PACRG: variants seen among roughly 807,000 people sequenced by gnomAD.
The protein encoded by PACRG is parkin coregulated gene protein.
PACRG carries 29 observed loss-of-function variants against 29.7 expected under a neutral mutation model. The observed-to-expected ratio is 0.98, with a 90% confidence interval of 0.73 to 1.33. PACRG has a LOEUF of 1.33. Among genes scored for constraint, PACRG ranks in the 40% most tolerant of loss-of-function variants. The pLI is 0.00. For synonymous variants in PACRG, 116 were observed against 118.7 expected (o/e 0.98, Z 0.15); for missense variants, 279 against 316.2 (o/e 0.88, Z 0.89).
chr6:162,848,642 T>C (rs1790609441), intron 2 of PACRG, among the ~76,000 whole-genome samples: 1 of 152,288 alleles, frequency 6.6e-6, no homozygotes, highest in Admixed American at 6.5e-5. Context: ...GAGGGAACTT[T>C]TGAAACACCT....
At chr6:162,834,590 T>A (rs897745357) in intron 2 of PACRG, among the ~76,000 whole-genome samples, 1 of 151,772 alleles carries the variant, frequency 6.6e-6, no homozygotes, top group Non-Finnish European at 1.5e-5. Flanking sequence ...AAACTTGGAA[T>A]TGTTTGATTT....
At chr6:162,826,011 C>A (rs766313689) in intron 2 of PACRG, among the ~76,000 whole-genome samples, 6 of 151,856 alleles carry the variant, frequency 4.0e-5, no homozygotes, top group Non-Finnish European at 8.8e-5. Flanking sequence ...TCTATTAATT[C>A]TGTAAAATTG....
chr6:162,918,698 A>C (rs1796864048), intron 2 of PACRG, among the ~76,000 whole-genome samples: 1 of 152,232 alleles, frequency 6.6e-6, no homozygotes, highest in African/African-American at 2.4e-5. Flanking sequence ...TTACTAAGCA[A>C]CTGAAGAATA....
chr6:163,067,005 C>T (rs879726922), intron 3 of PACRG, among the ~76,000 whole-genome samples: 5 of 152,192 alleles, frequency 3.3e-5, no homozygotes, highest in African/African-American at 4.8e-5. Context: ...TCAGCTGCTA[C>T]TCATCGTTTT....
chr6:162,754,677 C>T lies in PACRG; in HGVS notation c.156+26286C>T, dbSNP rs185308333. 1.8e-3 allele frequency among the ~76,000 whole-genome samples: 267 copies of T among 151,738 alleles called. 1 individual carries two copies. Among genetic ancestry groups the T allele is most frequent in the Non-Finnish European group, 2.6e-3 (176 of 67,924 alleles). On this transcript the variant is annotated intron_variant, in intron 1 of 4. Coordinates refer to ENST00000366888, the MANE Select transcript of PACRG (RefSeq NM_001080379.2). Reference sequence around the variant, plus strand: ...GATATAAGAGCCTAATTTTATTCTTCTGCATGTGAATATTCAGTGGTCTCA... The same window carrying T: ...GATATAAGAGCCTAATTTTATTCTTTTGCATGTGAATATTCAGTGGTCTCA...
chr6:163,251,610 G>A (rs1782907913), intron 4 of PACRG, among the ~76,000 whole-genome samples: 1 of 152,164 alleles, frequency 6.6e-6, no homozygotes, highest in African/African-American at 2.4e-5. Context: ...GAGGTCAACA[G>A]TATAAGGGAT....
intron 2 of PACRG, among the ~76,000 whole-genome samples, chr6:162,930,869 T>C (rs1011568431): frequency 1.2e-4 from 19 of 152,004 alleles, no homozygotes; most frequent in African/African-American, 4.6e-4. Flanking sequence ...TAATATGATG[T>C]ATCACATTTA....
At chr6:162,957,503 C>G in intron 2 of PACRG, 3 of 410,410 alleles carry the variant, frequency 7.3e-6, no homozygotes, top group African/African-American at 4.0e-5. Context: ...AATTCTATTA[C>G]AAGGGGCTCG....
intron 4 of PACRG, among the ~76,000 whole-genome samples, chr6:163,165,064 A>G (rs894526772): frequency 3.3e-5 from 5 of 152,162 alleles, no homozygotes; most frequent in African/African-American, 1.2e-4. Flanking sequence ...TTTAAAAAAA[A>G]ATACTAACAC....
intron 2 of PACRG, among the ~76,000 whole-genome samples, chr6:162,830,961 T>C (rs2128393358): frequency 6.6e-6 from 1 of 152,362 alleles, no homozygotes; most frequent in Admixed American, 6.5e-5. Context: ...TCTTTGTTAC[T>C]GCCATTAGTT....
At chr6:162,977,259 C>T (rs73607894) in intron 2 of PACRG, among the ~76,000 whole-genome samples, 9,955 of 151,500 alleles carry the variant, frequency 0.066, 850 homozygotes, top group African/African-American at 0.2. Context: ...AGATCCATAG[C>T]GTAAATACAA....
At chr6:163,024,518 A>G (rs1806938501) in intron 2 of PACRG, among the ~76,000 whole-genome samples, 1 of 152,124 alleles carries the variant, frequency 6.6e-6, no homozygotes, top group African/African-American at 2.4e-5. Flanking sequence ...TGGTGCCTCC[A>G]CCTATATTCT....
At chr6:162,946,031 A>G (rs9365515) in intron 2 of PACRG, among the ~76,000 whole-genome samples, 81,555 of 151,898 alleles carry the variant, frequency 0.54, 22,534 homozygotes, top group Middle Eastern at 0.7. Context: ...AGGAAAGTTT[A>G]TAGTGATAAA....
At chr6:162,918,041 T>C (rs1796816908) in intron 2 of PACRG, among the ~76,000 whole-genome samples, 1 of 152,170 alleles carries the variant, frequency 6.6e-6, no homozygotes, top group Non-Finnish European at 1.5e-5. Flanking sequence ...TTACTTTTCC[T>C]TGTCATTTTG....
intron 2 of PACRG, among the ~76,000 whole-genome samples, chr6:162,820,363 A>G (rs1787740014): frequency 1.3e-5 from 2 of 152,182 alleles, no homozygotes; most frequent in South Asian, 4.1e-4. Context: ...AATCTCTGTC[A>G]ATGTGACTGT....
At chr6:162,817,573 G>A (rs1344175541) in intron 2 of PACRG, among the ~76,000 whole-genome samples, 4 of 152,292 alleles carry the variant, frequency 2.6e-5, no homozygotes, top group Admixed American at 6.5e-5. Flanking sequence ...CATCTGCACC[G>A]TCTAATATGG....
chr6:163,066,277 A>T (rs565059), intron 3 of PACRG, among the ~76,000 whole-genome samples: 74,821 of 152,086 alleles, frequency 0.49, 21,158 homozygotes, highest in East Asian at 0.96. Flanking sequence ...TTTTAGAGAA[A>T]TGGGGAGAAA....
In PACRG at chr6:162,728,023, A is replaced by G. The variant is rs9347683; in HGVS notation, c.-213A>G. The G allele has an allele frequency of 4.5e-6, 3 of 663,630 alleles. No homozygotes were observed. Among genetic ancestry groups the G allele is most frequent in the Non-Finnish European group, 7.9e-6 (3 of 380,790 alleles). 41.1% of individuals were successfully genotyped at this position (663,630 alleles called of 1,614,324 possible). ...TTGGAAGCTTGTTGCAGCTCTAGCC[A>G]AGGTCCTGCCCTCTTCCCGCCCCGC... On this transcript the variant is annotated 5_prime_UTR_variant, in exon 1 of 5. Transcript: ENST00000366888.
At chr6:162,796,866 A>G (rs930395647) in intron 1 of PACRG, among the ~76,000 whole-genome samples, 1 of 152,350 alleles carries the variant, frequency 6.6e-6, no homozygotes, top group Admixed American at 6.5e-5. Flanking sequence ...AATGCTTGAC[A>G]CAGTCCTTTC....
Sources: gnomAD v4.1 joint callset for allele counts (sites outside exome capture counted in the v4.1 genomes callset) on GRCh38, gnomAD v4.1.1 for gene constraint, MANE v1.5 for transcripts, NCBI Gene and HGNC (gene_info 2026-07-23, HGNC 2026-07-21) for gene names.